NDUFA8: variants seen among roughly 807,000 people sequenced by gnomAD.
NDUFA8 encodes NADH:ubiquinone oxidoreductase subunit A8.
Under a neutral mutation model 20.9 loss-of-function variants are expected in NDUFA8, and 16 were observed. That is an observed-to-expected ratio of 0.77 (90% CI 0.52 to 1.16). The LOEUF (loss-of-function observed/expected upper bound fraction) is 1.16, where lower values mean the gene tolerates loss of function less well. Ranked by LOEUF, NDUFA8 falls within the 50% of genes most tolerant of loss-of-function variation. NDUFA8 has a pLI of 0.00. For missense variants in NDUFA8, 202 were observed against 216.4 expected (o/e 0.93, Z 0.42); for synonymous variants, 70 against 76.1 (o/e 0.92, Z 0.41).
At position 122,159,702 on chromosome 9, in the gene NDUFA8, G is replaced by A. The variant is rs752721058; in HGVS notation, c.-25C>T. 7.4e-6 allele frequency: 12 copies of A among 1,614,036 alleles called. No homozygotes were observed. The highest frequency in any genetic ancestry group is 2.2e-5 in the East Asian group (1 of 44,872). ...TGACGGCTGCAGCCCCGACCCCGAC[G>A]AGAAGCCCTCAGCCGCGTCGCCCCC... On this transcript the variant is annotated 5_prime_UTR_variant, in exon 1 of 4. Coordinates refer to ENST00000373768, the MANE Select transcript of NDUFA8 (RefSeq NM_014222.3).
chr9:122,152,382 T>A lies in NDUFA8; in HGVS notation c.78A>T (p.Lys26Asn), dbSNP rs1829017036. The A allele has an allele frequency of 6.2e-7, 1 of 1,614,002 alleles. No individual in the cohort carries two copies. The highest frequency in any genetic ancestry group is 8.5e-7 in the Non-Finnish European group (1 of 1,180,036). The change falls in exon 2 of 4, where the codon AAA becomes AAT. Residue 26 changes from lysine to asparagine, a missense_variant. Coordinates refer to ENST00000373768, the MANE Select transcript of NDUFA8 (RefSeq NM_014222.3). ...GAGCTCCATAGTGATGGGCCGCAGC[T>A]TTAAGCACAGCAGAACTAATTTTCA... The part of the protein sequence containing the change: ...DEVKISSAVL[K>N]AAAHHYGAQC...
rs1032638758 is a variant in NDUFA8, at chr9:122,152,329, A to G, written c.131T>C (p.Met44Thr). ...ATCTTTCTCTTCCCAGCGGCAGAGC[A>G]TAAACTCCTTGTTGGGCTTATCACA... ...AQCDKPNKEF[M>T]LCRWEEKDPR... Residue 44 changes from methionine (M) to threonine (T), a missense_variant, in exon 2 of 4, where the codon ATG becomes ACG. Met to Thr is a moderately conservative substitution (Grantham distance 81, BLOSUM62 -1). Coordinates refer to ENST00000373768, the MANE Select transcript of NDUFA8 (RefSeq NM_014222.3). 6.2e-7 allele frequency: 1 copy of G among 1,614,058 alleles called. No individual in the cohort carries two copies. The highest frequency in any genetic ancestry group is 1.3e-5 in the African/African-American group (1 of 74,908).
chr9:122,151,631 T>C (rs182584627), intron 2 of NDUFA8, among the ~76,000 whole-genome samples: 1 of 152,310 alleles, frequency 6.6e-6, no homozygotes, highest in East Asian at 1.9e-4. Context: ...AGTTGTGAAA[T>C]TATTTAAGCC....
intron 2 of NDUFA8, among the ~76,000 whole-genome samples, chr9:122,149,986 C>T (rs559075527): frequency 4.3e-4 from 66 of 151,782 alleles, no homozygotes; most frequent in African/African-American, 1.5e-3. Flanking sequence ...TTTAAATAAA[C>T]ACACACACAG....
chr9:122,144,158 ACT>A lies in NDUFA8; in HGVS notation c.*81_*82del. The A allele has an allele frequency of 1.9e-6, 3 of 1,609,608 alleles. No homozygotes were observed. Among genetic ancestry groups the A allele is most frequent in the Non-Finnish European group, 2.5e-6 (3 of 1,178,894 alleles). ...ATGTTTGTGATCCCGGAAAGAACACACTATCAGTCGATGCAAACCGCATGGGC... is the reference window on the plus strand; with the variant it reads ...ATGTTTGTGATCCCGGAAAGAACACAATCAGTCGATGCAAACCGCATGGGC... On this transcript the variant is annotated 3_prime_UTR_variant, in exon 4 of 4. Coordinates refer to ENST00000373768, the MANE Select transcript of NDUFA8 (RefSeq NM_014222.3).
intron 3 of NDUFA8, among the ~76,000 whole-genome samples, chr9:122,146,359 T>C (rs1226077374): frequency 2.0e-5 from 3 of 152,210 alleles, no homozygotes; most frequent in Non-Finnish European, 4.4e-5. Context: ...ATAAATATGC[T>C]TTCTTACTAG....
downstream of NDUFA8, among the ~76,000 whole-genome samples, chr9:122,141,087 A>C (rs1308878734): frequency 6.6e-6 from 1 of 152,192 alleles, no homozygotes; most frequent in Admixed American, 6.5e-5. Flanking sequence ...ACGGGGAAGG[A>C]CTGTTTCCTG....
At chr9:122,159,095 A>G (rs1829131746) in intron 1 of NDUFA8, among the ~76,000 whole-genome samples, 2 of 152,154 alleles carry the variant, frequency 1.3e-5, no homozygotes, top group Admixed American at 6.5e-5. Context: ...TATCTCTTGA[A>G]TAAACGAATG....
chr9:122,133,409 C>T, the NDUFA8 span, among the ~76,000 whole-genome samples: 1 of 152,142 alleles, frequency 6.6e-6, no homozygotes, highest in Non-Finnish European at 1.5e-5. Context: ...CAGACCAGTC[C>T]CACTTGACCA....
At chr9:122,136,579 C>T in the NDUFA8 span, among the ~76,000 whole-genome samples, 124 of 151,120 alleles carry the variant, frequency 8.2e-4, 2 homozygotes, top group East Asian at 7.8e-4. Context: ...TTTTCTGAGA[C>T]GGAGTCTCGC....
At chr9:122,147,571 C>A (rs1004493511) in intron 3 of NDUFA8, among the ~76,000 whole-genome samples, 7 of 151,086 alleles carry the variant, frequency 4.6e-5, no homozygotes. Context: ...CTTTAATTAG[C>A]TAATTAACTA....
intron 2 of NDUFA8, among the ~76,000 whole-genome samples, chr9:122,151,426 C>A (rs1828995669): frequency 6.6e-6 from 1 of 152,202 alleles, no homozygotes; most frequent in Admixed American, 6.5e-5. Flanking sequence ...AGACTCAGTC[C>A]AGGAGCTTCT....
At chr9:122,159,181 C>T (rs1829133410) in intron 1 of NDUFA8, among the ~76,000 whole-genome samples, 1 of 152,110 alleles carries the variant, frequency 6.6e-6, no homozygotes, top group South Asian at 2.1e-4. Context: ...TCTCATTTTC[C>T]CGCGGCTTCG....
chr9:122,142,297 C>CT (rs1201575837), downstream of NDUFA8, among the ~76,000 whole-genome samples: 3 of 152,226 alleles, frequency 2.0e-5, no homozygotes, highest in African/African-American at 7.2e-5. Context: ...TAGCCACTTA[C>CT]TACTTACTAG....
intron 2 of NDUFA8, 114 bp from the exon 3 acceptor site, chr9:122,148,391 G>A: frequency 3.4e-6 from 4 of 1,186,304 alleles, no homozygotes; most frequent in Non-Finnish European, 5.0e-6. Flanking sequence ...TGAAAGGTAT[G>A]TGAGTACATA....
chr9:122,145,097 C>A (rs1214801489), intron 3 of NDUFA8, among the ~76,000 whole-genome samples: 1 of 152,232 alleles, frequency 6.6e-6, no homozygotes, highest in Admixed American at 6.5e-5. Context: ...AAAGCTTGTG[C>A]TTCTTAATAC....
At chr9:122,135,711 T>A in the NDUFA8 span, among the ~76,000 whole-genome samples, 6 of 152,268 alleles carry the variant, frequency 3.9e-5, no homozygotes, top group Admixed American at 3.9e-4. Context: ...CACCTCAGCC[T>A]CCCGAGTAGC....
At chr9:122,156,951 G>A (rs889686331) in intron 1 of NDUFA8, among the ~76,000 whole-genome samples, 2 of 152,094 alleles carry the variant, frequency 1.3e-5, no homozygotes, top group African/African-American at 4.8e-5. Context: ...CTGCTACCGT[G>A]ATCTCCCTAA....
chr9:122,158,557 T>C (rs528941018), intron 1 of NDUFA8, among the ~76,000 whole-genome samples: 1 of 152,022 alleles, frequency 6.6e-6, no homozygotes, highest in East Asian at 1.9e-4. Flanking sequence ...AGACTTGGGT[T>C]CACTTCCAGC....
Sources: gnomAD v4.1 joint callset for allele counts (sites outside exome capture counted in the v4.1 genomes callset) on GRCh38, gnomAD v4.1.1 for gene constraint, MANE v1.5 for transcripts, NCBI Gene and HGNC (gene_info 2026-07-23, HGNC 2026-07-21) for gene names.